The following PTDSS2 variants were observed in gnomAD, a reference collection of about 807,000 sequenced individuals.
PTDSS2 encodes PSS-2.
In PTDSS2, 41 loss-of-function variants were observed where a neutral mutation model predicts 64.7. The observed-to-expected ratio is 0.63, with a 90% confidence interval of 0.49 to 0.82. The LOEUF (loss-of-function observed/expected upper bound fraction) is 0.82, where lower values mean the gene tolerates loss of function less well. Among genes scored for constraint, PTDSS2 ranks in the 40% least tolerant of loss-of-function variants. The pLI is 0.00. For synonymous variants in PTDSS2, 297 were observed against 277.8 expected, an observed-to-expected ratio of 1.07 and a Z score of -0.69; for missense variants, 485 against 650.0, an observed-to-expected ratio of 0.75 and a Z score of 2.76.
At position 489,578 on chromosome 11, in the gene PTDSS2, C is replaced by T. The variant is rs759239488; in HGVS notation, c.970-10C>T. The T allele has an allele frequency of 1.2e-6, 2 of 1,605,540 alleles. No individual in the cohort carries two copies. The highest frequency in any genetic ancestry group is 1.7e-5 in the Admixed American group (1 of 58,652). Reference sequence around the variant, plus strand: ...GGGCCAGAGCTGGTGCTCACCCTCTCCTCCCCTAGTTCCTGTTGGCAGAAC... The same window carrying T: ...GGGCCAGAGCTGGTGCTCACCCTCTTCTCCCCTAGTTCCTGTTGGCAGAAC... On this transcript the variant is annotated splice_polypyrimidine_tract_variant and intron_variant, in intron 9 of 11. Transcript: ENST00000308020.
chr11:455,305 C>T (rs1846534608), intron 1 of PTDSS2, among the ~76,000 whole-genome samples: 1 of 152,184 alleles, frequency 6.6e-6, no homozygotes, highest in African/African-American at 2.4e-5. Flanking sequence ...GTGAGAACCC[C>T]TCACGTGGGG....
chr11:473,596 C>A (rs1328655087), intron 2 of PTDSS2, among the ~76,000 whole-genome samples: 2 of 152,224 alleles, frequency 1.3e-5, no homozygotes, highest in Non-Finnish European at 2.9e-5. Flanking sequence ...GGTAGCTGGG[C>A]CTTCCCTGCC....
chr11:475,220 T>TGTAGGACATATTCACGCGTTTGTGTG (rs1275169230), intron 3 of PTDSS2, among the ~76,000 whole-genome samples: 10 of 75,478 alleles, frequency 1.3e-4, no homozygotes, highest in African/African-American at 3.0e-4. Flanking sequence ...CGTCTTTGTG[T>TGTAGGACATATTCACGCGTTTGTGTG]ATATGGACAT....
chr11:482,177 G>A (rs1286612406), intron 4 of PTDSS2, among the ~76,000 whole-genome samples: 2 of 149,554 alleles, frequency 1.3e-5, no homozygotes, highest in Non-Finnish European at 3.0e-5. Flanking sequence ...TAGCTGCCCT[G>A]CCCAGAACCT....
At chr11:474,034 ACT>A (rs1847604341) in intron 3 of PTDSS2, 57 bp downstream of exon 3, 2 of 1,384,846 alleles carry the variant, frequency 1.4e-6, no homozygotes. Flanking sequence ...CTGAGCGGCC[ACT>A]CTGTGTCTGT....
At chr11:458,072 C>T (rs928915435) in intron 1 of PTDSS2, among the ~76,000 whole-genome samples, 7 of 151,988 alleles carry the variant, frequency 4.6e-5, no homozygotes, top group African/African-American at 1.7e-4. Flanking sequence ...TGCTGCTCCT[C>T]GTTTGTTCAT....
Position 450,424 on chromosome 11 carries a change from C to T in PTDSS2, c.-32C>T. On this transcript the variant is annotated 5_prime_UTR_variant, in exon 1 of 12. Coordinates refer to ENST00000308020, the MANE Select transcript of PTDSS2 (RefSeq NM_030783.3). ...TGACCCGGTGTGCGTGGGGTCGAGG[C>T]GCCGGGCGGAGTGGCTCCGGGCCGA... 8.2e-7 allele frequency: 1 copy of T among 1,221,394 alleles called. No homozygotes were observed. Among genetic ancestry groups the T allele is most frequent in the Non-Finnish European group, 1.0e-6 (1 of 980,616 alleles). 75.7% of individuals were successfully genotyped at this position (1,221,394 alleles called of 1,614,324 possible).
At chr11:469,703 G>T (rs1228360030) in intron 2 of PTDSS2, among the ~76,000 whole-genome samples, 1 of 152,140 alleles carries the variant, frequency 6.6e-6, no homozygotes, top group East Asian at 1.9e-4. Context: ...AACCAGCTAT[G>T]CTTGCAGCAG....
At chr11:487,544 C>A in intron 6 of PTDSS2, 74 bp downstream of exon 6, 1 of 1,405,492 alleles carries the variant, frequency 7.1e-7, no homozygotes, top group Non-Finnish European at 1.0e-6. Context: ...CGTTTCTGTC[C>A]ATGGAGTTGA....
intron 4 of PTDSS2, among the ~76,000 whole-genome samples, chr11:483,554 C>T (rs538586538): frequency 2.0e-5 from 3 of 152,260 alleles, no homozygotes; most frequent in East Asian, 1.9e-4. Context: ...AATGATTTTT[C>T]GCATCAAGTG....
rs1415847494 is a variant in PTDSS2 at position 485,586 on chromosome 11, A to G, written c.436-1353A>G. On this transcript the variant is annotated intron_variant, in intron 4 of 11. Coordinates refer to ENST00000308020, the MANE Select transcript of PTDSS2 (RefSeq NM_030783.3). ...GTGCTCACCGTGTGCGCAGGCGTGT[A>G]AACTGCACGGGCGCGTGTGCTCACT... Among the ~76,000 whole-genome samples the G allele has an allele frequency of 6.4e-5, 5 of 77,828 alleles. 1 individual carries two copies. Among genetic ancestry groups the G allele is most frequent in the African/African-American group, 3.2e-4 (5 of 15,674 alleles). 51.1% of individuals were successfully genotyped at this position (77,828 alleles called of 152,430 possible).
Position 486,944 on chromosome 11 carries a change from C to G in PTDSS2, c.441C>G (p.Val147=). 6.2e-7 allele frequency: 1 copy of G among 1,612,212 alleles called. No individual in the cohort carries two copies. The highest frequency in any genetic ancestry group is 1.1e-5 in the South Asian group (1 of 90,774). ...LFLIFILFQT[V]QDGRQFLKYV... ...CGGGGGCACTGGCCTTGCAGACTGTCCAGGACGGCCGGCAGTTTCTAAAGT... is the reference window on the plus strand; with the variant it reads ...CGGGGGCACTGGCCTTGCAGACTGTGCAGGACGGCCGGCAGTTTCTAAAGT... Residue 147 remains valine, a synonymous_variant, in exon 5 of 12, where the codon GTC becomes GTG. Coordinates refer to ENST00000308020, the MANE Select transcript of PTDSS2 (RefSeq NM_030783.3).
intron 4 of PTDSS2, among the ~76,000 whole-genome samples, chr11:485,689 G>A (rs1399307316): frequency 4.8e-5 from 7 of 146,290 alleles, no homozygotes; most frequent in Non-Finnish European, 7.5e-5. Flanking sequence ...GCACGGGCGC[G>A]TGTGTGCTCA....
chr11:457,802 G>T (rs1846668582), intron 1 of PTDSS2, among the ~76,000 whole-genome samples: 1 of 152,206 alleles, frequency 6.6e-6, no homozygotes, highest in Non-Finnish European at 1.5e-5. Flanking sequence ...CCACGTTTGG[G>T]AGTATGTGGC....
chr11:490,076 AG>A lies in PTDSS2; in HGVS notation c.1301+11del, dbSNP rs1848601756. 6.2e-7 allele frequency: 1 copy of A among 1,601,124 alleles called. No individual in the cohort carries two copies. The stretch of plus-strand genomic sequence containing the variant: ...CTGGCGCTTCTTCCTGCGGTGAGTC[AG>A]GGCAGGGCGCGTATGTTCTGAAGGA... On this transcript the variant is annotated intron_variant, in intron 11 of 11. Transcript: ENST00000308020.
Position 469,636 on chromosome 11 carries a change from C to T in PTDSS2, c.285-4259C>T, listed in dbSNP as rs140436537. Among the ~76,000 whole-genome samples, 200 of 152,162 alleles carry T rather than the reference C, an allele frequency of 1.3e-3. 1 individual carries two copies. Among genetic ancestry groups the T allele is most frequent in the Admixed American group, 2.3e-3 (35 of 15,292 alleles). On this transcript the variant is annotated intron_variant, in intron 2 of 11. Coordinates refer to ENST00000308020, the MANE Select transcript of PTDSS2 (RefSeq NM_030783.3). The stretch of plus-strand genomic sequence containing the variant: ...GACAAAGATGGTTAAACAGTGTGTG[C>T]GCAGTGGTTAATGGATACACACAGA...
upstream of PTDSS2, among the ~76,000 whole-genome samples, chr11:449,961 C>T (rs551276512): frequency 6.6e-6 from 1 of 152,240 alleles, no homozygotes; most frequent in South Asian, 2.1e-4. Context: ...AAGGAATGAC[C>T]CGGGTCGCAT....
chr11:450,769 G>C, intron 1 of PTDSS2, 132 bp downstream of exon 1: 2 of 830,560 alleles, frequency 2.4e-6, no homozygotes, highest in Non-Finnish European at 3.2e-6. Flanking sequence ...GGGGTTTGAG[G>C]GTGTGGCAGC....
At chr11:451,248 C>G (rs1168308404) in intron 1 of PTDSS2, 1 of 357,020 alleles carries the variant, frequency 2.8e-6, no homozygotes, top group Non-Finnish European at 5.9e-6. Context: ...ACAACTCAGC[C>G]CTAGCTACAC....
Sources: gnomAD v4.1 joint callset for allele counts (sites outside exome capture counted in the v4.1 genomes callset) on GRCh38, gnomAD v4.1.1 for gene constraint, MANE v1.5 for transcripts, NCBI Gene and HGNC (gene_info 2026-07-23, HGNC 2026-07-21) for gene names.